ZNF26: variants seen among roughly 807,000 people sequenced by gnomAD.
ZNF26 encodes the protein epididymis luminal protein 179.
In ZNF26, 32 loss-of-function variants were observed where a neutral mutation model predicts 54.9. That is an observed-to-expected ratio of 0.58 (90% CI 0.44 to 0.78). The LOEUF (loss-of-function observed/expected upper bound fraction) is 0.78, where lower values mean the gene tolerates loss of function less well. Ranked by LOEUF, ZNF26 falls within the 30% of genes least tolerant of loss-of-function variation. The pLI, the probability that ZNF26 is intolerant of heterozygous loss-of-function variation, is 0.00. For synonymous variants in ZNF26, 221 were observed against 209.2 expected, an observed-to-expected ratio of 1.06 and a Z score of -0.49; for missense variants, 524 against 634.0, an observed-to-expected ratio of 0.83 and a Z score of 1.86.
chr12:132,999,487 C>A (rs1434143162), intron 1 of ZNF26, among the ~76,000 whole-genome samples: 1 of 152,010 alleles, frequency 6.6e-6, no homozygotes, highest in African/African-American at 2.4e-5. Flanking sequence ...GATCTCTTGA[C>A]CTCATTATTT....
At chr12:133,007,606 A>G (rs1953359354) in intron 3 of ZNF26, 74 bp downstream of exon 3, 1 of 1,046,782 alleles carries the variant, frequency 9.6e-7, no homozygotes, top group Non-Finnish European at 1.4e-6. Flanking sequence ...GGGCACTCAC[A>G]GTGTTGTCTT....
intron 1 of ZNF26, among the ~76,000 whole-genome samples, chr12:133,003,976 G>A (rs1042618786): frequency 6.6e-6 from 1 of 152,160 alleles, no homozygotes; most frequent in Non-Finnish European, 1.5e-5. Context: ...AATTCTGTGA[G>A]TATCAGCTTT....
intron 2 of ZNF26, 58 bp downstream of exon 2, chr12:133,007,226 TTTG>T: frequency 8.2e-6 from 13 of 1,592,908 alleles, no homozygotes; most frequent in Non-Finnish European, 1.1e-5. Flanking sequence ...CATCCCTTTT[TTTG>T]TTGTTGAACT....
intron 1 of ZNF26, among the ~76,000 whole-genome samples, chr12:133,003,585 C>T (rs931368013): frequency 5.9e-5 from 9 of 152,120 alleles, no homozygotes; most frequent in Non-Finnish European, 1.0e-4. Context: ...TTTGTGTGTA[C>T]TGTATTCCTG....
chr12:132,991,727 T>A (rs1952963915), intron 1 of ZNF26, among the ~76,000 whole-genome samples: 1 of 151,566 alleles, frequency 6.6e-6, no homozygotes, highest in African/African-American at 2.4e-5. Context: ...AGCCCAGGAG[T>A]TCGAGGCTGC....
At chr12:132,991,205 T>C (rs1952944707) in intron 1 of ZNF26, among the ~76,000 whole-genome samples, 1 of 150,600 alleles carries the variant, frequency 6.6e-6, no homozygotes, top group Non-Finnish European at 1.5e-5. Context: ...ATAAGAAAAA[T>C]AGCTAGGCAT....
Position 133,025,323 on chromosome 12 carries a change from G to C in ZNF26, c.*13842G>C, listed in dbSNP as rs1245232690. ...ACAGGCATTCAGATTGGGAGAAATA[G>C]CACCTCAGGAACTGCATCCTCAAGA... On this transcript the variant is annotated 3_prime_UTR_variant, in exon 4 of 4. Transcript: ENST00000328654. 6.6e-6 allele frequency: 1 copy of C among 152,180 alleles called. No homozygotes were observed. Among genetic ancestry groups the C allele is most frequent in the Non-Finnish European group, 1.5e-5 (1 of 68,052 alleles). 9.4% of individuals were successfully genotyped at this position (152,180 alleles called of 1,614,324 possible).
rs1462886575 is a variant in ZNF26 at position 133,001,861 on chromosome 12, T to C, written c.34-5181T>C. On this transcript the variant is annotated intron_variant, in intron 1 of 3. Coordinates refer to ENST00000328654, the MANE Select transcript of ZNF26 (RefSeq NM_019591.4). This position sits in a 1 kb window ranked among gnomAD's most constrained non-coding sequence, Gnocchi z 4.7. ...CAGAGGAAAGCAGTTATTCGATCCTTGTTTACTTAAATTCTTAAGTACATG... is the reference window on the plus strand; with the variant it reads ...CAGAGGAAAGCAGTTATTCGATCCTCGTTTACTTAAATTCTTAAGTACATG... The C allele has an allele frequency of 2.4e-6, 1 of 411,924 alleles. No individual in the cohort carries two copies. Among genetic ancestry groups the C allele is most frequent in the Non-Finnish European group, 4.5e-6 (1 of 222,768 alleles). 25.5% of individuals were successfully genotyped at this position (411,924 alleles called of 1,614,324 possible). A position where few individuals can be genotyped will look rare whatever the true frequency, so the allele number is the denominator to read the frequency against.
chr12:133,020,987 T>C lies in ZNF26; in HGVS notation c.*9506T>C, dbSNP rs1461263404. ...ACCCTCTCTCCAAATAAGGCCTCAC[T>C]CTGAGGTATGGAAATTAGGACCCCA... On this transcript the variant is annotated 3_prime_UTR_variant, in exon 4 of 4. Coordinates refer to ENST00000328654, the MANE Select transcript of ZNF26 (RefSeq NM_019591.4). 1 of 152,132 alleles carries C rather than the reference T, an allele frequency of 6.6e-6. No homozygotes were observed. The highest frequency in any genetic ancestry group is 1.5e-5 in the Non-Finnish European group (1 of 68,048). 9.4% of individuals were successfully genotyped at this position (152,132 alleles called of 1,614,324 possible).
Position 133,015,637 on chromosome 12 carries a change from A to C in ZNF26, c.*4156A>C, listed in dbSNP as rs1229044904. 1 of 152,160 alleles carries C rather than the reference A, an allele frequency of 6.6e-6. No homozygotes were observed. The highest frequency in any genetic ancestry group is 6.5e-5 in the Admixed American group (1 of 15,272). 9.4% of individuals were successfully genotyped at this position (152,160 alleles called of 1,614,324 possible). On this transcript the variant is annotated 3_prime_UTR_variant, in exon 4 of 4. Coordinates refer to ENST00000328654, the MANE Select transcript of ZNF26 (RefSeq NM_019591.4). ...CCTGGATGACAGGGCAAGACCTCAT[A>C]TCTGTAAAAAGTAAAAATAAATAAA...
chr12:133,009,553 C>T (rs1436010858), intron 3 of ZNF26, among the ~76,000 whole-genome samples: 4 of 151,680 alleles, frequency 2.6e-5, no homozygotes, highest in Admixed American at 2.0e-4. Context: ...GATTGCGCCA[C>T]TGCACTCCAG....
At position 133,021,115 on chromosome 12, in the gene ZNF26, T is replaced by G. The variant is rs1372984449; in HGVS notation, c.*9634T>G. The G allele has an allele frequency of 4.8e-5, 5 of 103,958 alleles. No individual in the cohort carries two copies. The highest frequency in any genetic ancestry group is 1.7e-4 in the African/African-American group (5 of 28,762). 6.4% of individuals were successfully genotyped at this position (103,958 alleles called of 1,614,324 possible). On this transcript the variant is annotated 3_prime_UTR_variant, in exon 4 of 4. Coordinates refer to ENST00000328654, the MANE Select transcript of ZNF26 (RefSeq NM_019591.4). ...ATGCTCATACATTTTTTTTTTCTTT[T>G]TCATTTTTTTTTTTTTTTTTTGAGA...
Position 133,017,069 on chromosome 12 carries a change from T to C in ZNF26, c.*5588T>C, listed in dbSNP as rs1368466265. ...AACAAAATATTTAATACCAAGAAAG[T>C]TGGAAACATAAAAAAATAAAAAGTC... is the stretch of plus-strand genomic sequence containing the variant. On this transcript the variant is annotated 3_prime_UTR_variant, in exon 4 of 4. Transcript: ENST00000328654. 1 of 151,918 alleles carries C rather than the reference T, an allele frequency of 6.6e-6. No individual in the cohort carries two copies. The highest frequency in any genetic ancestry group is 1.5e-5 in the Non-Finnish European group (1 of 67,994). The allele number at this position is 151,918 out of a possible 1,614,324, so 9.4% of individuals were successfully genotyped here.
In ZNF26 at chr12:133,024,684, G is replaced by C. The variant is rs1430761808; in HGVS notation, c.*13203G>C. ...GCGGTGCCTCCTGACCCCCTTCAAT[G>C]AATAAACAAAAAGGACTTCTAAGGA... is the stretch of plus-strand genomic sequence containing the variant. On this transcript the variant is annotated 3_prime_UTR_variant, in exon 4 of 4. Transcript: ENST00000328654. The C allele has an allele frequency of 6.6e-6, 1 of 152,096 alleles. No homozygotes were observed. Among genetic ancestry groups the C allele is most frequent in the South Asian group, 2.1e-4 (1 of 4,828 alleles). 9.4% of individuals were successfully genotyped at this position (152,096 alleles called of 1,614,324 possible).
rs1224622033 is a variant in ZNF26 at position 133,021,309 on chromosome 12, C to G, written c.*9828C>G. 2.0e-5 allele frequency: 3 copies of G among 151,532 alleles called. No individual in the cohort carries two copies. The highest frequency in any genetic ancestry group is 7.3e-5 in the African/African-American group (3 of 41,338). The allele number at this position is 151,532 out of a possible 1,614,324, so 9.4% of individuals were successfully genotyped here. Reference sequence around the variant, plus strand: ...GGGATTACAGGTGCCCACCACCACGCCCAGCTAGTTTTTATATTTTTAGTA... The same window carrying G: ...GGGATTACAGGTGCCCACCACCACGGCCAGCTAGTTTTTATATTTTTAGTA... On this transcript the variant is annotated 3_prime_UTR_variant, in exon 4 of 4. Transcript: ENST00000328654.
At chr12:132,994,206 A>G (rs1953024947) in intron 1 of ZNF26, among the ~76,000 whole-genome samples, 1 of 152,240 alleles carries the variant, frequency 6.6e-6, no homozygotes, top group Non-Finnish European at 1.5e-5. Flanking sequence ...GCAATTTGTC[A>G]GTTGCAGTTC....
intron 1 of ZNF26, among the ~76,000 whole-genome samples, chr12:132,988,596 C>T (rs989533654): frequency 8.5e-4 from 130 of 152,184 alleles, no homozygotes; most frequent in African/African-American, 2.9e-3. Flanking sequence ...CTTCTGCTTC[C>T]GTATCCTGTT....
In ZNF26 at chr12:133,007,030, G is replaced by A. The variant is rs890651058; in HGVS notation, c.34-12G>A. On this transcript the variant is annotated splice_polypyrimidine_tract_variant and intron_variant, in intron 1 of 3. Coordinates refer to ENST00000328654, the MANE Select transcript of ZNF26 (RefSeq NM_019591.4). ...AATTGCATCCAATTGAACAGGGTGT[G>A]TGTTATTTCAGGGATTATTGTCATT... The A allele has an allele frequency of 2.7e-5, 43 of 1,614,000 alleles. No individual in the cohort carries two copies. Among genetic ancestry groups the A allele is most frequent in the Non-Finnish European group, 3.4e-5 (40 of 1,179,980 alleles).
intron 1 of ZNF26, among the ~76,000 whole-genome samples, chr12:132,995,826 A>G (rs1953069928): frequency 6.6e-6 from 1 of 152,092 alleles, no homozygotes; most frequent in Non-Finnish European, 1.5e-5. Flanking sequence ...TAATTTTTGT[A>G]TATTTAGTAG....
Sources: gnomAD v4.1 joint callset for allele counts (sites outside exome capture counted in the v4.1 genomes callset) on GRCh38, gnomAD v4.1.1 for gene constraint, Gnocchi (gnomAD v3.1) non-coding constraint, MANE v1.5 for transcripts, NCBI Gene and HGNC (gene_info 2026-07-23, HGNC 2026-07-21) for gene names.